CNTN6: variants seen among roughly 807,000 people sequenced by gnomAD.
CNTN6 encodes contactin-6.
Under a neutral mutation model 122.8 loss-of-function variants are expected in CNTN6, and 137 were observed. The ratio of observed to expected loss-of-function variants is 1.12; its 90% CI spans 0.97 to 1.29. The LOEUF is 1.29. CNTN6 is among the 50% of genes most tolerant of loss of function. The pLI, the probability that CNTN6 is intolerant of heterozygous loss-of-function variation, is 0.00. For synonymous variants in CNTN6, 570 were observed against 426.0 expected, an observed-to-expected ratio of 1.34 and a Z score of -4.16; for missense variants, 1,634 against 1,223.4, an observed-to-expected ratio of 1.34 and a Z score of -5.01.
intron 2 of CNTN6, among the ~76,000 whole-genome samples, chr3:1,197,397 C>T (rs1383351540): frequency 1.3e-5 from 2 of 152,164 alleles, no homozygotes; most frequent in African/African-American, 4.8e-5. Context: ...ACTTGCTAAT[C>T]GGCCTTTGTG....
chr3:1,353,899 G>A (rs1706095999), intron 12 of CNTN6, among the ~76,000 whole-genome samples: 1 of 151,488 alleles, frequency 6.6e-6, no homozygotes, highest in African/African-American at 2.4e-5. Flanking sequence ...CAGTAGCAAT[G>A]TAGTTTTTAA....
At chr3:1,400,329 G>A (rs1695523004) in intron 20 of CNTN6, among the ~76,000 whole-genome samples, 1 of 152,028 alleles carries the variant, frequency 6.6e-6, no homozygotes, top group African/African-American at 2.4e-5. Context: ...GAAAGCGCTA[G>A]ACCAAGATTC....
At chr3:1,199,120 C>T (rs2093822359) in intron 2 of CNTN6, among the ~76,000 whole-genome samples, 2 of 151,884 alleles carry the variant, frequency 1.3e-5, no homozygotes, top group Non-Finnish European at 2.9e-5. Flanking sequence ...CCTGCTGACA[C>T]CTCGGTTTCA....
At chr3:1,202,939 T>C (rs2093906242) in intron 2 of CNTN6, among the ~76,000 whole-genome samples, 1 of 152,132 alleles carries the variant, frequency 6.6e-6, no homozygotes, top group South Asian at 2.1e-4. Flanking sequence ...TTGAATTCAG[T>C]CTAGTATAAT....
chr3:1,284,530 G>A (rs1458572501), intron 5 of CNTN6, among the ~76,000 whole-genome samples: 2 of 152,004 alleles, frequency 1.3e-5, no homozygotes, highest in African/African-American at 4.8e-5. Context: ...TGTACACTGG[G>A]TATTCACTCA....
chr3:1,255,749 T>C (rs929851777), intron 4 of CNTN6, among the ~76,000 whole-genome samples: 3 of 152,152 alleles, frequency 2.0e-5, no homozygotes, highest in Non-Finnish European at 2.9e-5. Context: ...CACAACCTAC[T>C]GCAGCTTCAA....
intron 4 of CNTN6, among the ~76,000 whole-genome samples, chr3:1,232,261 C>T (rs2094361515): frequency 6.6e-6 from 1 of 152,068 alleles, no homozygotes. Flanking sequence ...AAGTTTGCTC[C>T]ATTATTGCAA....
intron 1 of CNTN6, among the ~76,000 whole-genome samples, chr3:1,143,780 T>G (rs1575004929): frequency 1.3e-5 from 2 of 152,210 alleles, no homozygotes; most frequent in African/African-American, 4.8e-5. Flanking sequence ...GGCCTCATTA[T>G]AGTATGCTGA....
intron 5 of CNTN6, among the ~76,000 whole-genome samples, chr3:1,284,754 T>G (rs1311934102): frequency 6.6e-6 from 1 of 152,208 alleles, no homozygotes; most frequent in Non-Finnish European, 1.5e-5. Flanking sequence ...AAGGTTTCAC[T>G]GCTATTTGAG....
At chr3:1,179,772 G>C (rs1428596829) in intron 2 of CNTN6, among the ~76,000 whole-genome samples, 1 of 152,098 alleles carries the variant, frequency 6.6e-6, no homozygotes, top group Non-Finnish European at 1.5e-5. Context: ...GTGTGCATGA[G>C]CTTCTGGTGG....
intron 4 of CNTN6, among the ~76,000 whole-genome samples, chr3:1,240,847 G>T (rs1486023887): frequency 6.6e-6 from 1 of 152,104 alleles, no homozygotes; most frequent in Non-Finnish European, 1.5e-5. Context: ...GGGTGCAGGC[G>T]GGCTGAGTCT....
At chr3:1,218,828 C>T (rs2094165157) in intron 2 of CNTN6, among the ~76,000 whole-genome samples, 1 of 151,956 alleles carries the variant, frequency 6.6e-6, no homozygotes, top group Non-Finnish European at 1.5e-5. Flanking sequence ...TTCTAAATAC[C>T]AATCTCTAAT....
At chr3:1,195,483 G>A (rs911467631) in intron 2 of CNTN6, among the ~76,000 whole-genome samples, 5 of 152,174 alleles carry the variant, frequency 3.3e-5, no homozygotes, top group Non-Finnish European at 7.4e-5. Context: ...GAGTTTTGAT[G>A]AAGACTTGTA....
At chr3:1,188,492 T>C (rs1037130857) in intron 2 of CNTN6, among the ~76,000 whole-genome samples, 2 of 152,360 alleles carry the variant, frequency 1.3e-5, no homozygotes, top group Middle Eastern at 3.4e-3. Flanking sequence ...AAATTAGTGA[T>C]ACTGCATATA....
At chr3:1,370,511 C>G (rs147598821) in intron 12 of CNTN6, among the ~76,000 whole-genome samples, 5,191 of 152,152 alleles carry the variant, frequency 0.034, 122 homozygotes, top group South Asian at 0.054. Flanking sequence ...GCATAGTCCA[C>G]AAAATCATTC....
intron 17 of CNTN6, among the ~76,000 whole-genome samples, chr3:1,382,143 C>G (rs1345203600): frequency 6.6e-6 from 1 of 150,620 alleles, no homozygotes; most frequent in Non-Finnish European, 1.5e-5. Flanking sequence ...TGGGAAAAAC[C>G]AAATAAATTC....
chr3:1,376,930 T>C, intron 16 of CNTN6, 75 bp from the exon 17 acceptor site: 1 of 1,031,472 alleles, frequency 9.7e-7, no homozygotes. Flanking sequence ...AAAAGTGAAA[T>C]TCAAAAACAA....
chr3:1,181,441 G>C (rs1382008288), intron 2 of CNTN6, among the ~76,000 whole-genome samples: 1 of 152,024 alleles, frequency 6.6e-6, no homozygotes, highest in African/African-American at 2.4e-5. Flanking sequence ...GGGTTTTTTT[G>C]TTATTTCATC....
intron 1 of CNTN6, among the ~76,000 whole-genome samples, chr3:1,099,547 G>A (rs1450532554): frequency 6.6e-6 from 1 of 151,848 alleles, no homozygotes; most frequent in Non-Finnish European, 1.5e-5. Flanking sequence ...CCTTATTGAG[G>A]GATATTTAAT....
Sources: allele counts gnomAD v4.1 joint callset (sites outside exome capture counted in the v4.1 genomes callset), GRCh38; gene constraint gnomAD v4.1.1; transcripts MANE v1.5; gene names NCBI Gene and HGNC (gene_info 2026-07-23, HGNC 2026-07-21).